The following SCAND3 variants were observed in gnomAD, a reference collection of about 807,000 sequenced individuals.
The protein encoded by SCAND3 is SCAN domain-containing protein 3.
At chr6:28,586,767 C>A in the SCAND3 span, 1 of 1,504,658 alleles carries the variant, frequency 6.6e-7, no homozygotes, top group African/African-American at 1.4e-5. The surrounding 1 kb of genome is among the most constrained non-coding windows in gnomAD (Gnocchi z 4.4). Context: ...GGGGTCTAGG[C>A]AAATGGGTGA....
chr6:28,592,901 A>G, the SCAND3 span, among the ~76,000 whole-genome samples: 1 of 152,224 alleles, frequency 6.6e-6, no homozygotes, highest in Non-Finnish European at 1.5e-5. This position sits in a 1 kb window ranked among gnomAD's most constrained non-coding sequence, Gnocchi z 4.1. Context: ...TACACCATAT[A>G]TAAAAATCAA....
chr6:28,576,197 T>C, the SCAND3 span: 1 of 1,341,946 alleles, frequency 7.5e-7, no homozygotes, highest in East Asian at 2.4e-5. Flanking sequence ...AAGACATATA[T>C]TGCCAAAGGA....
chr6:28,577,485 A>C, the SCAND3 span, among the ~76,000 whole-genome samples: 1 of 152,234 alleles, frequency 6.6e-6, no homozygotes, highest in African/African-American at 2.4e-5. Context: ...AATTCCAGGC[A>C]TCTAACTATC....
the SCAND3 span, among the ~76,000 whole-genome samples, chr6:28,596,639 A>G: frequency 9.2e-5 from 14 of 152,258 alleles, no homozygotes; most frequent in East Asian, 2.5e-3. Flanking sequence ...TTTTTCTCCC[A>G]AGGCCCACGA....
the SCAND3 span, chr6:28,590,169 G>A: frequency 6.6e-6 from 1 of 152,296 alleles, no homozygotes; most frequent in African/African-American, 2.4e-5. Flanking sequence ...ACGGTGGAGG[G>A]GCCCTACAAC....
At chr6:28,586,254 T>G in the SCAND3 span, 1 of 1,509,282 alleles carries the variant, frequency 6.6e-7, no homozygotes, top group Non-Finnish European at 9.0e-7. This position sits in a 1 kb window ranked among gnomAD's most constrained non-coding sequence, Gnocchi z 4.4. Flanking sequence ...TCTGGATCCA[T>G]GCACCCAAAT....
At chr6:28,579,482 T>C in the SCAND3 span, 1 of 1,416,928 alleles carries the variant, frequency 7.1e-7, no homozygotes, top group Non-Finnish European at 9.7e-7. This position sits in a 1 kb window ranked among gnomAD's most constrained non-coding sequence, Gnocchi z 4.5. Context: ...ATAGCTAAAC[T>C]TGTATTCTTC....
chr6:28,575,768 T>C, the SCAND3 span: 1 of 1,614,046 alleles, frequency 6.2e-7, no homozygotes, highest in African/African-American at 1.3e-5. This position sits in a 1 kb window ranked among gnomAD's most constrained non-coding sequence, Gnocchi z 4.2. Flanking sequence ...AGATGTGTAT[T>C]ATGCAGAATG....
chr6:28,573,260 G>A, the SCAND3 span: 14 of 1,613,962 alleles, frequency 8.7e-6, no homozygotes, highest in African/African-American at 1.3e-5. Context: ...TCCTGAATAC[G>A]TCGAGCTATG....
At chr6:28,579,202 A>T in the SCAND3 span, 1 of 1,405,118 alleles carries the variant, frequency 7.1e-7, no homozygotes, top group South Asian at 1.3e-5. This position sits in a 1 kb window ranked among gnomAD's most constrained non-coding sequence, Gnocchi z 4.5. Flanking sequence ...ATGAGGTTTG[A>T]TAACTTTCAA....
the SCAND3 span, among the ~76,000 whole-genome samples, chr6:28,577,269 A>G: frequency 6.6e-6 from 1 of 152,216 alleles, no homozygotes; most frequent in Non-Finnish European, 1.5e-5. Context: ...TGGAAAAAGT[A>G]AAAAATAATA....
chr6:28,595,330 CAAAA>C, the SCAND3 span, among the ~76,000 whole-genome samples: 23 of 37,332 alleles, frequency 6.2e-4, no homozygotes, highest in African/African-American at 1.7e-3. Context: ...AACCCAGTCT[CAAAA>C]AAAAAAAAAA....
At chr6:28,573,087 T>G in the SCAND3 span, 2 of 1,607,880 alleles carry the variant, frequency 1.2e-6, no homozygotes, top group Non-Finnish European at 1.7e-6. Context: ...GCAAAGAGGC[T>G]GAAAAAAAGA....
the SCAND3 span, chr6:28,573,268 A>G: frequency 6.2e-7 from 1 of 1,614,122 alleles, no homozygotes; most frequent in Non-Finnish European, 8.5e-7. Flanking sequence ...ACGTCGAGCT[A>G]TGGTGTCATT....
chr6:28,602,256 C>G, the SCAND3 span, among the ~76,000 whole-genome samples: 3 of 152,296 alleles, frequency 2.0e-5, no homozygotes, highest in East Asian at 3.9e-4. Context: ...GTCACCCAGG[C>G]TGGAGTGCAG....
At chr6:28,603,334 T>C in the SCAND3 span, among the ~76,000 whole-genome samples, 1 of 152,244 alleles carries the variant, frequency 6.6e-6, no homozygotes, top group Non-Finnish European at 1.5e-5. Context: ...AAGTCTAGAT[T>C]GGCAATTGTT....
the SCAND3 span, chr6:28,586,785 T>C: frequency 7.2e-7 from 1 of 1,398,476 alleles, no homozygotes; most frequent in African/African-American, 1.4e-5. This position sits in a 1 kb window ranked among gnomAD's most constrained non-coding sequence, Gnocchi z 4.4. Flanking sequence ...TGATTTTACT[T>C]GAGCTCCTTT....
chr6:28,580,692 C>G, the SCAND3 span, among the ~76,000 whole-genome samples: 4 of 152,144 alleles, frequency 2.6e-5, no homozygotes, highest in African/African-American at 9.7e-5. Flanking sequence ...AACAATGTAT[C>G]AATTCTGTAA....
the SCAND3 span, chr6:28,574,960 A>G: frequency 9.3e-6 from 15 of 1,613,774 alleles, 1 homozygote; most frequent in South Asian, 1.6e-4. Flanking sequence ...AGTGACAGAA[A>G]GATTCTCTTC....
Sources: allele counts gnomAD v4.1 joint callset (sites outside exome capture counted in the v4.1 genomes callset), GRCh38; gene constraint gnomAD v4.1.1; non-coding constraint Gnocchi (gnomAD v3.1); transcripts MANE v1.5; gene names NCBI Gene and HGNC (gene_info 2026-07-23, HGNC 2026-07-21).